The following UMOD variants were observed in gnomAD, a reference collection of about 807,000 sequenced individuals.
UMOD encodes the protein uromodulin.
UMOD carries 64 observed loss-of-function variants against 66.0 expected under a neutral mutation model. The ratio of observed to expected loss-of-function variants is 0.97; its 90% CI spans 0.79 to 1.19. The LOEUF is 1.19. Ranked by LOEUF, UMOD falls within the 50% of genes most tolerant of loss-of-function variation. UMOD has a pLI of 0.00. For synonymous variants in UMOD, 398 were observed against 352.7 expected (o/e 1.13, Z -1.44); for missense variants, 764 against 850.9 (o/e 0.90, Z 1.27).
intron 7 of UMOD, among the ~76,000 whole-genome samples, chr16:20,340,857 G>A (rs1027598403): frequency 2.0e-5 from 3 of 152,054 alleles, no homozygotes; most frequent in Non-Finnish European, 4.4e-5. Flanking sequence ...AGCCAGGCCT[G>A]CTGGCCTCTG....
intron 7 of UMOD, among the ~76,000 whole-genome samples, chr16:20,340,470 GTGTATA>G (rs1169314539): frequency 5.4e-5 from 6 of 110,256 alleles, no homozygotes; most frequent in African/African-American, 1.9e-4. Flanking sequence ...ATGTGTGTGT[GTGTATA>G]TATATATATA....
chr16:20,348,693 T>TA lies in UMOD; in HGVS notation c.607dup (p.Tyr203LeufsTer96), dbSNP rs771980136. 1 of 1,553,368 alleles carries TA rather than the reference T, an allele frequency of 6.4e-7. No individual in the cohort carries two copies. The highest frequency in any genetic ancestry group is 1.2e-5 in the South Asian group (1 of 84,862). Reference sequence around the variant, plus strand: ...CGCACCGCCCTGGCCCACGAAGCGGTACCAGCCGCGCAGGTCCGTGTCGCA... The same window carrying TA: ...CGCACCGCCCTGGCCCACGAAGCGGTAACCAGCCGCGCAGGTCCGTGTCGCA... On this transcript the variant is annotated frameshift_variant, in exon 3 of 11. Transcript: ENST00000396138. LOFTEE classifies it high-confidence loss of function.
chr16:20,348,480 T>C lies in UMOD; in HGVS notation c.821A>G (p.Tyr274Cys), dbSNP rs375848177. ...VKACAGGYYV[Y>C]NLTAPPECHL... The stretch of plus-strand genomic sequence containing the variant: ...ACACTCGGGGGGCGCTGTCAGGTTG[T>C]AGACGTAGTAGCCGCCGGCACAGGC... Residue 274 changes from tyrosine to cysteine, a missense_variant, in exon 3 of 11, where the codon TAC becomes TGC. Transcript: ENST00000396138. 3 of 1,612,210 alleles carry C rather than the reference T, an allele frequency of 1.9e-6. No homozygotes were observed. The African/African-American group carries it at 4.0e-5, about 21-fold the overall frequency.
At position 20,348,151 on chromosome 16, in the gene UMOD, G is replaced by T. The variant is rs1479667442; in HGVS notation, c.973+72C>A. The T allele has an allele frequency of 1.7e-5, 23 of 1,358,860 alleles. No individual in the cohort carries two copies. The South Asian group carries it at 2.7e-4, about 16-fold the overall frequency. 84.2% of individuals were successfully genotyped at this position (1,358,860 alleles called of 1,614,324 possible). On this transcript the variant is annotated intron_variant, in intron 4 of 10. Transcript: ENST00000396138. ...ATACCCATATGGCCCCAATCTCACA[G>T]GGGAGGAATGTGTCCCTCCCCCAGG...
At chr16:20,347,708 G>T (rs1177140824) in intron 4 of UMOD, among the ~76,000 whole-genome samples, 1 of 152,210 alleles carries the variant, frequency 6.6e-6, no homozygotes, top group Non-Finnish European at 1.5e-5. Flanking sequence ...CAATTGTAAA[G>T]TTGGCACTTG....
chr16:20,339,331 C>T (rs1217993634), intron 7 of UMOD, among the ~76,000 whole-genome samples: 1 of 152,204 alleles, frequency 6.6e-6, no homozygotes, highest in Non-Finnish European at 1.5e-5. Flanking sequence ...TATTTACTTA[C>T]TATTTTTCTT....
At chr16:20,352,469 C>T in intron 1 of UMOD, 1 of 391,196 alleles carries the variant, frequency 2.6e-6, no homozygotes, top group East Asian at 3.6e-5. Flanking sequence ...AACTAATATT[C>T]ATGGAATAAG....
At chr16:20,355,337 T>A (rs1166136307), upstream of UMOD, among the ~76,000 whole-genome samples, 2 of 152,174 alleles carry the variant, frequency 1.3e-5, no homozygotes, top group Non-Finnish European at 2.9e-5. Context: ...AAATATTTGT[T>A]TTTGAACGAA....
rs375846119 is a variant in UMOD, at chr16:20,346,279, C to T, written c.1029G>A (p.Ser343=). The change falls in exon 5 of 11, where the codon TCG becomes TCA. Residue 343 remains serine (S), a synonymous_variant. Transcript: ENST00000396138. Reference sequence around the variant, plus strand: ...GACTCTTCAGCTGGCACTTGCCCAGCGACACCTTCATGTCATTGGCCCCAC... The same window carrying T: ...GACTCTTCAGCTGGCACTTGCCCAGTGACACCTTCATGTCATTGGCCCCAC... The part of the protein sequence containing the change: ...LECGANDMKV[S]LGKCQLKSLG... 52 of 1,614,140 alleles carry T rather than the reference C, an allele frequency of 3.2e-5. No homozygotes were observed. The highest frequency in any genetic ancestry group is 3.3e-4 in the Middle Eastern group (2 of 6,084).
chr16:20,348,608 G>T lies in UMOD; in HGVS notation c.693C>A (p.Leu231=). The T allele has an allele frequency of 6.3e-7, 1 of 1,588,190 alleles. No homozygotes were observed. Among genetic ancestry groups the T allele is most frequent in the African/African-American group, 1.3e-5 (1 of 74,722 alleles). Residue 231 remains leucine (L), a synonymous_variant, in exon 3 of 11, where the codon CTC becomes CTA. Coordinates refer to ENST00000396138, the MANE Select transcript of UMOD (RefSeq NM_003361.4). ...LRCNTAAPMW[L]NGTHPSSDEG... The stretch of plus-strand genomic sequence containing the variant: ...CGTCGCTGGACGGATGCGTGCCATT[G>T]AGCCACATGGGGGCGGCCGTGTTGC...
In UMOD at chr16:20,344,032, T is replaced by C. The variant is rs1965388248; in HGVS notation, c.1323A>G (p.Pro441=). The C allele has an allele frequency of 1.9e-6, 3 of 1,613,578 alleles. No individual in the cohort carries two copies. The African/African-American group carries it at 4.0e-5, about 22-fold the overall frequency. ...MKVSLKTALQ[P]MVSALNIRVG... is the part of the protein sequence containing the mutation. The stretch of plus-strand genomic sequence containing the variant: ...ACCCTCTCTGGCCACACCTGACCAT[T>C]GGCTGTAGGGCGGTCTTCAGGCTGA... The change falls in exon 6 of 11, where the codon CCA becomes CCG. Residue 441 remains proline (P), a synonymous_variant. Coordinates refer to ENST00000396138, the MANE Select transcript of UMOD (RefSeq NM_003361.4).
intron 9 of UMOD, among the ~76,000 whole-genome samples, chr16:20,335,771 C>G (rs1431964795): frequency 6.6e-6 from 1 of 152,164 alleles, no homozygotes; most frequent in African/African-American, 2.4e-5. Context: ...ACACAACTCC[C>G]CTGGCCTTCT....
rs1334271962 is a variant in UMOD at position 20,333,333 on chromosome 16, A to C, written c.1904T>G (p.Leu635Trp). 7 of 1,613,240 alleles carry C rather than the reference A, an allele frequency of 4.3e-6. No homozygotes were observed. The highest frequency in any genetic ancestry group is 5.9e-6 in the Non-Finnish European group (7 of 1,179,794). Residue 635 changes from leucine (L) to tryptophan (W), a missense_variant, in exon 11 of 11, where the codon TTG becomes TGG. By Grantham distance (61) the Leu-to-Trp change is moderately conservative. Coordinates refer to ENST00000396138, the MANE Select transcript of UMOD (RefSeq NM_003361.4). ...VWLPLLLSAT[L>W]TLTFQ ...TGTCAGTCACTGAAAAGTCAGGGTCAAGGTGGCCGAGAGAAGCAGAGGCAG... is the reference window on the plus strand; with the variant it reads ...TGTCAGTCACTGAAAAGTCAGGGTCCAGGTGGCCGAGAGAAGCAGAGGCAG...
chr16:20,333,978 G>A (rs1044048191), intron 10 of UMOD, among the ~76,000 whole-genome samples: 1 of 140,826 alleles, frequency 7.1e-6, no homozygotes, highest in Admixed American at 7.7e-5. Flanking sequence ...AGGTTACAGT[G>A]AGCTGAGATT....
Position 20,333,265 on chromosome 16 carries a change from A to G in UMOD, c.*49T>C. Reference sequence around the variant, plus strand: ...CTGGCCCGCATCATGCCCCCTGCCCAGCAGGAGGTGAGATGGCAGCCATGG... The same window carrying G: ...CTGGCCCGCATCATGCCCCCTGCCCGGCAGGAGGTGAGATGGCAGCCATGG... On this transcript the variant is annotated 3_prime_UTR_variant, in exon 11 of 11. Transcript: ENST00000396138. 1 of 1,572,044 alleles carries G rather than the reference A, an allele frequency of 6.4e-7. No homozygotes were observed. Among genetic ancestry groups the G allele is most frequent in the Non-Finnish European group, 8.7e-7 (1 of 1,146,564 alleles).
At chr16:20,347,298 C>T (rs1462357626) in intron 4 of UMOD, among the ~76,000 whole-genome samples, 6 of 152,178 alleles carry the variant, frequency 3.9e-5, no homozygotes, top group African/African-American at 2.4e-5. Flanking sequence ...GCTGGGATTA[C>T]AGGCATGAGC....
In UMOD at chr16:20,340,438, T is replaced by TTG. The variant is rs1044604186; in HGVS notation, c.1577+651_1577+652dup. Reference sequence around the variant, plus strand: ...TTGAAATACAAAATGCATTATATCTTTGTGTGTGTGTGTGTATATATATGT... The same window carrying TTG: ...TTGAAATACAAAATGCATTATATCTTTGTGTGTGTGTGTGTGTATATATATGT... On this transcript the variant is annotated intron_variant, in intron 7 of 10. Transcript: ENST00000396138. 4.4e-4 allele frequency among the ~76,000 whole-genome samples: 62 copies of TTG among 140,664 alleles called. No individual in the cohort carries two copies. In the East Asian group the frequency reaches 4.5e-3, roughly 10 times the overall value. The allele number at this position is 140,664 out of a possible 152,430, so 92.3% of individuals were successfully genotyped here.
chr16:20,351,441 C>T (rs375817480), intron 1 of UMOD: 1 of 159,650 alleles, frequency 6.3e-6, no homozygotes, highest in African/African-American at 2.4e-5. Flanking sequence ...CCAGTATTAC[C>T]CCAGTGTTTA....
intron 7 of UMOD, among the ~76,000 whole-genome samples, chr16:20,340,385 C>G (rs1965126242): frequency 6.7e-6 from 1 of 148,904 alleles, no homozygotes; most frequent in Non-Finnish European, 1.5e-5. Context: ...AAAACCAAAC[C>G]AAATCAAACG....
Sources: gnomAD v4.1 joint callset for allele counts (sites outside exome capture counted in the v4.1 genomes callset) on GRCh38, gnomAD v4.1.1 for gene constraint, MANE v1.5 for transcripts, NCBI Gene and HGNC (gene_info 2026-07-23, HGNC 2026-07-21) for gene names.